PDE4D: variants seen among roughly 807,000 people sequenced by gnomAD.
PDE4D encodes 3',5'-cyclic-AMP phosphodiesterase 4D.
Under a neutral mutation model 87.4 loss-of-function variants are expected in PDE4D, and 24 were observed. The ratio of observed to expected loss-of-function variants is 0.27; its 90% CI spans 0.20 to 0.39. The LOEUF is 0.39. Among genes scored for constraint, PDE4D ranks in the 10% least tolerant of loss-of-function variants. The pLI is 1.00. For synonymous variants in PDE4D, 384 were observed against 383.2 expected (o/e 1.00, Z -0.02); for missense variants, 714 against 1,041.0 (o/e 0.69, Z 4.32).
In PDE4D at chr5:59,272,337, A is replaced by G. The variant is rs77280443; in HGVS notation, c.456-56369T>C. On this transcript the variant is annotated intron_variant, in intron 1 of 14. Transcript: ENST00000340635. ...AAGTATCCCTGGGAAATGTTTATAA[A>G]TGTTTATAAAAGTGTTAAAGAGATA... Among the ~76,000 whole-genome samples, 1,034 of 152,174 alleles carry G rather than the reference A, an allele frequency of 6.8e-3. 11 individuals carry two copies. Among genetic ancestry groups the G allele is most frequent in the African/African-American group, 0.024 (1,002 of 41,562 alleles).
At chr5:60,248,912 A>G (rs536666460) in intron 1 of PDE4D, among the ~76,000 whole-genome samples, 3 of 152,136 alleles carry the variant, frequency 2.0e-5, no homozygotes, top group East Asian at 1.9e-4. Context: ...CAACAGCAGC[A>G]TACCTGATTG....
intron 1 of PDE4D, among the ~76,000 whole-genome samples, chr5:59,668,909 GAAGAAGAAGAAGA>G (rs879387852): frequency 0.062 from 5,122 of 82,158 alleles, 563 homozygotes; most frequent in East Asian, 0.2. Flanking sequence ...AGAAGAAGAA[GAAGAAGAAGAAGA>G]AAGAAAGAAA....
At position 59,639,818 on chromosome 5, in the gene PDE4D, TG is replaced by T. The variant is rs1433603257; in HGVS notation, c.455+253349del. ...TTTTAAATATAGTGTCTATAGTGTG[TG>T]TGTGTGTGTGTGTGTGTGTGTGTGT... On this transcript the variant is annotated intron_variant, in intron 1 of 14. Transcript: ENST00000340635. 2.9e-4 allele frequency among the ~76,000 whole-genome samples: 3 copies of T among 10,428 alleles called. No homozygotes were observed. The East Asian group carries it at 0.022, about 77-fold the overall frequency. The allele number at this position is 10,428 out of a possible 152,430, so 6.8% of individuals were successfully genotyped here. A position where few individuals can be genotyped will look rare whatever the true frequency, so the allele number is the denominator to read the frequency against.
At chr5:59,307,639 T>C (rs896458310) in intron 1 of PDE4D, among the ~76,000 whole-genome samples, 2 of 150,828 alleles carry the variant, frequency 1.3e-5, no homozygotes, top group Non-Finnish European at 3.0e-5. Flanking sequence ...ATCAGAGAAA[T>C]GCAAATCAAA....
chr5:59,326,887 CATTTCCCCAA>C, intron 1 of PDE4D, among the ~76,000 whole-genome samples: 1 of 152,092 alleles, frequency 6.6e-6, no homozygotes, highest in South Asian at 2.1e-4. Flanking sequence ...ATGACTTCAT[CATTTCCCCAA>C]TAGATTCCAA....
chr5:60,319,131 A>G (rs1229229093), intron 1 of PDE4D, among the ~76,000 whole-genome samples: 1 of 152,298 alleles, frequency 6.6e-6, no homozygotes, highest in South Asian at 2.1e-4. Flanking sequence ...CCAATCAGAC[A>G]TAGATTTGGT....
At chr5:59,056,674 C>T (rs1231963120) in intron 5 of PDE4D, among the ~76,000 whole-genome samples, 2 of 152,090 alleles carry the variant, frequency 1.3e-5, no homozygotes, top group African/African-American at 4.8e-5. Context: ...TGTTCAACTC[C>T]CACTTATGAG....
chr5:59,507,287 G>A (rs111262100), intron 1 of PDE4D, among the ~76,000 whole-genome samples: 28,545 of 151,574 alleles, frequency 0.19, 3,333 homozygotes, highest in Non-Finnish European at 0.26. Flanking sequence ...AGACGAGTTC[G>A]TGCCACTGCA....
In PDE4D at chr5:59,891,787, TCACACACA is replaced by T. The variant is rs55796463; in HGVS notation, c.455+1373_455+1380del. 6.7e-5 allele frequency among the ~76,000 whole-genome samples: 10 copies of T among 150,376 alleles called. 1 individual carries two copies. The South Asian group carries it at 2.1e-3, about 32-fold the overall frequency. On this transcript the variant is annotated intron_variant, in intron 1 of 14. Coordinates refer to ENST00000340635, the MANE Select transcript of PDE4D (RefSeq NM_001104631.2). ...TAGTGTATACAACAGAGAGACATGC[TCACACACA>T]CACACACACACAAAACTCAAACACA...
intron 3 of PDE4D, among the ~76,000 whole-genome samples, chr5:59,985,432 C>T (rs2152828619): frequency 6.6e-6 from 1 of 152,138 alleles, no homozygotes; most frequent in East Asian, 1.9e-4. Context: ...TGAGCCACTG[C>T]ACCTGGCCCC....
intron 1 of PDE4D, among the ~76,000 whole-genome samples, chr5:60,477,675 TG>T (rs542919238): frequency 2.6e-5 from 4 of 152,182 alleles, no homozygotes; most frequent in Non-Finnish European, 5.9e-5. Context: ...CTTTGGCCAG[TG>T]GGGTGTTAGC....
intron 1 of PDE4D, among the ~76,000 whole-genome samples, chr5:59,224,289 C>CACAT (rs1487298090): frequency 3.1e-5 from 4 of 128,352 alleles, no homozygotes; most frequent in Admixed American, 7.8e-5. Flanking sequence ...CATACACACA[C>CACAT]ACATACACAC....
At chr5:60,198,805 C>G (rs1741587189) in intron 1 of PDE4D, among the ~76,000 whole-genome samples, 1 of 151,534 alleles carries the variant, frequency 6.6e-6, no homozygotes, top group Non-Finnish European at 1.5e-5. Context: ...TTGAATTTGG[C>G]TTATCCTTCT....
chr5:59,569,406 T>A (rs1032392643), intron 1 of PDE4D, among the ~76,000 whole-genome samples: 8 of 152,266 alleles, frequency 5.3e-5, no homozygotes, highest in Admixed American at 2.6e-4. Flanking sequence ...AATACCTTTG[T>A]CCTAAGATAC....
intron 1 of PDE4D, among the ~76,000 whole-genome samples, chr5:59,690,169 TC>T (rs910004097): frequency 6.6e-6 from 1 of 152,138 alleles, no homozygotes; most frequent in Admixed American, 6.5e-5. Context: ...TTCAGTGCCA[TC>T]CCCATCAAGC....
chr5:59,586,893 A>T, intron 1 of PDE4D: 6 of 985,464 alleles, frequency 6.1e-6, no homozygotes, highest in Non-Finnish European at 7.2e-6. Context: ...TCTTAGGCAC[A>T]TATTCATGTA....
chr5:59,404,236 T>G (rs1791203725), intron 1 of PDE4D, among the ~76,000 whole-genome samples: 1 of 152,226 alleles, frequency 6.6e-6, no homozygotes, highest in Non-Finnish European at 1.5e-5. Flanking sequence ...TAATATTTTC[T>G]CCCATTCTGT....
At chr5:59,954,546 T>G (rs759167647) in intron 3 of PDE4D, among the ~76,000 whole-genome samples, 8 of 152,150 alleles carry the variant, frequency 5.3e-5, no homozygotes, top group Non-Finnish European at 8.8e-5. Flanking sequence ...TGGCCGTTAT[T>G]ATTAGAGATG....
chr5:59,898,717 A>C (rs535308587), upstream of PDE4D, among the ~76,000 whole-genome samples: 5 of 152,306 alleles, frequency 3.3e-5, no homozygotes, highest in South Asian at 1.0e-3. Flanking sequence ...AAGTCTATAA[A>C]CCTGCAAGGA....
Sources: gnomAD v4.1 joint callset for allele counts (sites outside exome capture counted in the v4.1 genomes callset) on GRCh38, gnomAD v4.1.1 for gene constraint, MANE v1.5 for transcripts, NCBI Gene and HGNC (gene_info 2026-07-23, HGNC 2026-07-21) for gene names.